Variants in TAX1BP1 observed in about 807,000 individuals in gnomAD.
TAX1BP1 encodes the protein tax1-binding protein 1.
TAX1BP1 carries 62 observed loss-of-function variants against 97.7 expected under a neutral mutation model. The ratio of observed to expected loss-of-function variants is 0.63; its 90% CI spans 0.52 to 0.78. The LOEUF (loss-of-function observed/expected upper bound fraction) is 0.78. Among genes scored for constraint, TAX1BP1 ranks in the 30% least tolerant of loss-of-function variants. The pLI is 0.00. For synonymous variants in TAX1BP1, 340 were observed against 304.2 expected, an observed-to-expected ratio of 1.12 and a Z score of -1.23; for missense variants, 867 against 916.1, an observed-to-expected ratio of 0.95 and a Z score of 0.69.
In TAX1BP1 at chr7:27,828,864, TAAAAAA is replaced by T; in HGVS notation, c.*47_*52del. 2.0e-6 allele frequency: 2 copies of T among 988,530 alleles called. No individual in the cohort carries two copies. The highest frequency in any genetic ancestry group is 2.8e-6 in the Non-Finnish European group (2 of 705,078). The allele number at this position is 988,530 out of a possible 1,614,324, so 61.2% of individuals were successfully genotyped here. A position where few individuals can be genotyped will look rare whatever the true frequency, so the allele number is the denominator to read the frequency against. ...ATTATGAGTTAATATAGTTTAGCAG[TAAAAAA>T]AAAAAAAAAAACCACACCTAAAATA... On this transcript the variant is annotated 3_prime_UTR_variant, in exon 17 of 17. Transcript: ENST00000396319.
intron 5 of TAX1BP1, among the ~76,000 whole-genome samples, chr7:27,776,405 G>T (rs1789034617): frequency 6.6e-6 from 1 of 152,052 alleles, no homozygotes; most frequent in African/African-American, 2.4e-5. Flanking sequence ...TTTTAAAAGA[G>T]ATTTTTGTTG....
At chr7:27,816,279 G>C (rs537501022) in intron 13 of TAX1BP1, 70 bp from the exon 14 acceptor site, 2 of 1,213,640 alleles carry the variant, frequency 1.6e-6, no homozygotes, top group African/African-American at 3.2e-5. Context: ...TTGACTAAAT[G>C]TTTAATACTG....
rs553556042 is a variant in TAX1BP1, at chr7:27,806,234, C to T, written c.1764+6144C>T. Among the ~76,000 whole-genome samples the T allele has an allele frequency of 5.3e-5, 8 of 152,068 alleles. No homozygotes were observed. The South Asian group carries it at 6.2e-4, about 12-fold the overall frequency. On this transcript the variant is annotated intron_variant, in intron 13 of 16. Coordinates refer to ENST00000396319, the MANE Select transcript of TAX1BP1 (RefSeq NM_006024.7). ...CTGAGTAGCTGGGATTACAGGCTCC[C>T]GCCACCAAGCCTGGCTAATTTGTAT...
At chr7:27,740,489 A>C (rs1787533814) in intron 1 of TAX1BP1, 1 of 151,804 alleles carries the variant, frequency 6.6e-6, no homozygotes, top group Admixed American at 6.6e-5. Flanking sequence ...TCAGCTGTGG[A>C]GTTTTGGAAT....
In TAX1BP1 at chr7:27,796,131, A is replaced by G. The variant is rs147980008; in HGVS notation, c.1550A>G (p.Asp517Gly). ...CTTTCTACAGCAGAGGCAGATTTTG[A>G]CATAGTAACAAAGGGGCAAGTCTGT... ...PSPSAAEADF[D>G]IVTKGQVCEM... The change falls in exon 12 of 17, where the codon GAC (aspartate) becomes GGC (glycine). Residue 517 changes from aspartate to glycine, a missense_variant. Physicochemically the swap from Asp to Gly is moderately conservative, Grantham distance 94 (BLOSUM62 -1). Around this residue, in one of 3 missense-constraint regions of TAX1BP1, gnomAD observed 822 missense variants for 851.4 expected, o/e 0.97. Coordinates refer to ENST00000396319, the MANE Select transcript of TAX1BP1 (RefSeq NM_006024.7). The G allele has an allele frequency of 8.8e-5, 142 of 1,606,388 alleles. No individual in the cohort carries two copies. In the African/African-American group the frequency reaches 1.7e-3, roughly 20 times the overall value.
intron 15 of TAX1BP1, among the ~76,000 whole-genome samples, chr7:27,822,884 A>G (rs1324242043): frequency 6.6e-6 from 1 of 152,048 alleles, no homozygotes; most frequent in African/African-American, 2.4e-5. Context: ...ATTTACTCGT[A>G]TGTTTTCTTG....
chr7:27,809,560 C>T (rs977842061), intron 13 of TAX1BP1, among the ~76,000 whole-genome samples: 1 of 152,172 alleles, frequency 6.6e-6, no homozygotes, highest in African/African-American at 2.4e-5. Context: ...GTTCAGTCTT[C>T]TGATTTGCAA....
intron 7 of TAX1BP1, among the ~76,000 whole-genome samples, chr7:27,786,005 C>T (rs985860635): frequency 3.3e-5 from 5 of 151,968 alleles, no homozygotes; most frequent in Non-Finnish European, 5.9e-5. Flanking sequence ...TATATATATA[C>T]ACATTGGGGA....
intron 2 of TAX1BP1, 57 bp from the exon 3 acceptor site, chr7:27,757,974 G>C: frequency 9.7e-7 from 1 of 1,026,998 alleles, no homozygotes; most frequent in Non-Finnish European, 1.5e-6. Flanking sequence ...TATGCTGTAT[G>C]AGCCTAATAT....
chr7:27,749,503 T>C (rs1454359652), intron 2 of TAX1BP1, among the ~76,000 whole-genome samples: 1 of 152,200 alleles, frequency 6.6e-6, no homozygotes, highest in Admixed American at 6.5e-5. Flanking sequence ...TGTATAAAGT[T>C]AAACAACAAG....
intron 4 of TAX1BP1, among the ~76,000 whole-genome samples, chr7:27,767,141 A>C (rs570947183): frequency 5.7e-4 from 87 of 152,246 alleles, no homozygotes; most frequent in African/African-American, 2.0e-3. Flanking sequence ...CTATACCTAA[A>C]AAACTACAGT....
chr7:27,816,042 TA>T (rs1183739290), intron 13 of TAX1BP1, among the ~76,000 whole-genome samples: 1 of 152,062 alleles, frequency 6.6e-6, no homozygotes, highest in Non-Finnish European at 1.5e-5. Flanking sequence ...AAAGACTTTT[TA>T]TTCATACCTA....
At chr7:27,819,697 G>A (rs950441897) in intron 15 of TAX1BP1, among the ~76,000 whole-genome samples, 1 of 152,092 alleles carries the variant, frequency 6.6e-6, no homozygotes, top group Non-Finnish European at 1.5e-5. Context: ...TCATTGGAAC[G>A]TAACCCCATC....
rs772627121 is a variant in TAX1BP1 at position 27,816,362 on chromosome 7, G to A, written c.1778G>A (p.Ser593Asn). 6 of 1,575,472 alleles carry A rather than the reference G, an allele frequency of 3.8e-6. No homozygotes were observed. Among genetic ancestry groups the A allele is most frequent in the South Asian group, 1.2e-5 (1 of 82,222 alleles). ...TGTTAATTTTAGGAACTTAAAAGGA[G>A]TCTAGAAAATCCAGCAGAAAGGAAA... ...VQDNYKELKR[S>N]LENPAERKME... is the part of the protein sequence containing the mutation. The change falls in exon 14 of 17, where the codon AGT becomes AAT. Residue 593 changes from serine (S) to asparagine (N), a missense_variant. By Grantham distance (46) the Ser-to-Asn change is conservative (BLOSUM62 1). Transcript: ENST00000396319.
In TAX1BP1 at chr7:27,792,063, A is replaced by T. The variant is rs537645332; in HGVS notation, c.1096A>T (p.Thr366Ser). 15 of 1,614,108 alleles carry T rather than the reference A, an allele frequency of 9.3e-6. No individual in the cohort carries two copies. In the African/African-American group the frequency reaches 1.5e-4, roughly 16 times the overall value. The change falls in exon 9 of 17, where the codon ACT (threonine) becomes TCT (serine). Residue 366 changes from threonine (T) to serine (S), a missense_variant. Around this residue, in one of 3 missense-constraint regions of TAX1BP1, gnomAD observed 822 missense variants for 851.4 expected, o/e 0.97. Transcript: ENST00000396319. Reference protein sequence around the residue: ...LRKAEEQVQATRQEVVFLAKE... With the variant: ...LRKAEEQVQASRQEVVFLAKE... ...TAAAGCAGAGGAACAGGTTCAGGCA[A>T]CTCGGCAAGAAGTTGTCTTTCTGGC...
At chr7:27,812,928 G>A (rs756951014) in intron 13 of TAX1BP1, among the ~76,000 whole-genome samples, 2 of 152,106 alleles carry the variant, frequency 1.3e-5, no homozygotes, top group Non-Finnish European at 2.9e-5. Context: ...ATTCATGTAG[G>A]TATCATCTAT....
chr7:27,828,664 AAT>A lies in TAX1BP1; in HGVS notation c.2206_2207del (p.Met736ValfsTer4). On this transcript the variant is annotated frameshift_variant, in exon 17 of 17. Coordinates refer to ENST00000396319, the MANE Select transcript of TAX1BP1 (RefSeq NM_006024.7). LOFTEE classifies it high-confidence loss of function. The stretch of plus-strand genomic sequence containing the variant: ...ACAAGAAGTGTCCCCTCTGTGAGTT[AAT>A]GTTTCCTCCTAACTATGATCAGAGC... ...VHKKCPLCEL[M>X]FPPNYDQSKF... 1 of 1,613,996 alleles carries A rather than the reference AAT, an allele frequency of 6.2e-7. No individual in the cohort carries two copies. The highest frequency in any genetic ancestry group is 8.5e-7 in the Non-Finnish European group (1 of 1,179,940).
intron 13 of TAX1BP1, among the ~76,000 whole-genome samples, chr7:27,802,851 A>G (rs1374273574): frequency 1.3e-5 from 2 of 151,698 alleles, no homozygotes; most frequent in Non-Finnish European, 2.9e-5. Context: ...GACTGGGAAG[A>G]AAAAAAACAC....
intron 16 of TAX1BP1, 52 bp downstream of exon 16, chr7:27,827,872 T>TC: frequency 1.3e-6 from 2 of 1,518,754 alleles, no homozygotes. Flanking sequence ...CCAGTGGTTC[T>TC]CAAAGGTGGT....
Sources: gnomAD v4.1 joint callset for allele counts (sites outside exome capture counted in the v4.1 genomes callset) on GRCh38, gnomAD v4.1.1 for gene constraint, gnomAD v4.1.1 regional missense constraint, MANE v1.5 for transcripts, NCBI Gene and HGNC (gene_info 2026-07-23, HGNC 2026-07-21) for gene names.